The following GIMAP8 variants were observed in gnomAD, a reference collection of about 807,000 sequenced individuals.
GIMAP8 encodes the protein GTPase, IMAP family member 8.
GIMAP8 carries 29 observed loss-of-function variants against 35.6 expected under a neutral mutation model. The ratio of observed to expected loss-of-function variants is 0.81; its 90% CI spans 0.61 to 1.11. GIMAP8 has a LOEUF of 1.11. Ranked by LOEUF, GIMAP8 falls within the 50% of genes most tolerant of loss-of-function variation. GIMAP8 has a pLI of 0.00. For missense variants in GIMAP8, 811 were observed against 805.0 expected, an observed-to-expected ratio of 1.01 and a Z score of -0.09; for synonymous variants, 335 against 308.7, an observed-to-expected ratio of 1.09 and a Z score of -0.89.
intron 3 of GIMAP8, among the ~76,000 whole-genome samples, chr7:150,471,152 A>G (rs1259261951): frequency 6.6e-6 from 1 of 151,932 alleles, no homozygotes; most frequent in Non-Finnish European, 1.5e-5. Flanking sequence ...CCTAACTCAG[A>G]CTCTTCTTTC....
chr7:150,459,032 TG>T (rs1801788237), intron 1 of GIMAP8, among the ~76,000 whole-genome samples: 1 of 152,242 alleles, frequency 6.6e-6, no homozygotes, highest in Admixed American at 6.5e-5. Context: ...TGAGCTCAGC[TG>T]GTTGTGGTTC....
intron 2 of GIMAP8, among the ~76,000 whole-genome samples, chr7:150,469,042 G>A (rs1802033883): frequency 6.6e-6 from 1 of 151,214 alleles, no homozygotes; most frequent in Non-Finnish European, 1.5e-5. Context: ...GAAACCCTCT[G>A]GTTTTACATG....
rs1005218758 is a variant in GIMAP8, at chr7:150,479,243, C to T, written c.*1463C>T. 7 of 152,120 alleles carry T rather than the reference C, an allele frequency of 4.6e-5. No homozygotes were observed. The highest frequency in any genetic ancestry group is 8.8e-5 in the Non-Finnish European group (6 of 68,046). The allele number at this position is 152,120 out of a possible 1,614,324, so 9.4% of individuals were successfully genotyped here. ...CTGGTTTCCTGGGTGACAAAATTACCTGTACACCACACCCCTGTGACACAC... is the reference window on the plus strand; with the variant it reads ...CTGGTTTCCTGGGTGACAAAATTACTTGTACACCACACCCCTGTGACACAC... On this transcript the variant is annotated 3_prime_UTR_variant, in exon 5 of 5. Transcript: ENST00000307271.
Position 150,466,851 on chromosome 7 carries a change from A to G in GIMAP8, c.153A>G (p.Arg51=), listed in dbSNP as rs771741644. Residue 51 remains arginine, a synonymous_variant, in exon 2 of 5, where the codon AGA becomes AGG. Coordinates refer to ENST00000307271, the MANE Select transcript of GIMAP8 (RefSeq NM_175571.4). ...SDQTVIKMCQ[R]ESWVLRERKV... is the part of the protein sequence containing the mutation. The stretch of plus-strand genomic sequence containing the variant: ...AGACAGTGATCAAAATGTGCCAGAG[A>G]GAGAGTTGGGTCCTGAGAGAAAGGA... 17 of 1,614,124 alleles carry G rather than the reference A, an allele frequency of 1.1e-5. No individual in the cohort carries two copies. In the African/African-American group the frequency reaches 2.0e-4, roughly 19 times the overall value.
intron 1 of GIMAP8, 120 bp from the exon 2 acceptor site, chr7:150,466,551 T>G: frequency 2.5e-6 from 2 of 809,382 alleles, no homozygotes; most frequent in Non-Finnish European, 3.8e-6. Flanking sequence ...GGTCTAGAAC[T>G]TCAGTAGCTC....
In GIMAP8 at chr7:150,478,475, T is replaced by C. The variant is rs1802293495; in HGVS notation, c.*695T>C. ...TTTATTGCTAATTATCACAGTGACA[T>C]AGACTAGAACAGAAATTAGAAGCAT... On this transcript the variant is annotated 3_prime_UTR_variant, in exon 5 of 5. Transcript: ENST00000307271. 1.3e-5 allele frequency: 2 copies of C among 152,354 alleles called. No homozygotes were observed. Among genetic ancestry groups the C allele is most frequent in the South Asian group, 4.1e-4 (2 of 4,830 alleles). 9.4% of individuals were successfully genotyped at this position (152,354 alleles called of 1,614,324 possible).
Position 150,467,102 on chromosome 7 carries a change from G to A in GIMAP8, c.404G>A (p.Arg135Gln), listed in dbSNP as rs761170315. 51 of 1,614,018 alleles carry A rather than the reference G, an allele frequency of 3.2e-5. No individual in the cohort carries two copies. The highest frequency in any genetic ancestry group is 3.6e-5 in the Non-Finnish European group (43 of 1,180,024). The change falls in exon 2 of 5, where the codon CGG becomes CAG. Residue 135 changes from arginine (R) to glutamine (Q), a missense_variant. By Grantham distance (43) the Arg-to-Gln change is conservative (BLOSUM62 1). Transcript: ENST00000307271. ...ARRHIIIVFT[R>Q]KDDLGDDLLQ... ...AGGCACATCATTATTGTCTTCACTC[G>A]GAAGGATGATTTGGGGGATGACTTG...
In GIMAP8 at chr7:150,478,072, T is replaced by C; in HGVS notation, c.*292T>C. ...GTAGAATCAAGTCACAAGAATCACC[T>C]CACTTGTGTAGGTAGGTTGGAATCA... On this transcript the variant is annotated 3_prime_UTR_variant, in exon 5 of 5. Coordinates refer to ENST00000307271, the MANE Select transcript of GIMAP8 (RefSeq NM_175571.4). 2.3e-6 allele frequency: 1 copy of C among 429,222 alleles called. No individual in the cohort carries two copies. Among genetic ancestry groups the C allele is most frequent in the Non-Finnish European group, 4.2e-6 (1 of 239,272 alleles). 26.6% of individuals were successfully genotyped at this position (429,222 alleles called of 1,614,324 possible).
chr7:150,474,537 C>T lies in GIMAP8; in HGVS notation c.1208C>T (p.Ala403Val), dbSNP rs1802178446. 1 of 1,577,460 alleles carries T rather than the reference C, an allele frequency of 6.3e-7. No homozygotes were observed. The highest frequency in any genetic ancestry group is 2.2e-5 in the East Asian group (1 of 44,882). ...AGATATAGTGCCTTCAACTACCGGG[C>T]AACAGGAGAAGAAGAGCAAAGGCAG... ...KNRYSAFNYRATGEEEQRQAD... is the reference protein window; with the variant it reads ...KNRYSAFNYRVTGEEEQRQAD... The change falls in exon 4 of 5, where the codon GCA becomes GTA. Residue 403 changes from alanine to valine, a missense_variant. Transcript: ENST00000307271.
chr7:150,474,405 T>G lies in GIMAP8; in HGVS notation c.1076T>G (p.Met359Arg), dbSNP rs1233777191. ...TTTGGAGAAAAATTCTTTGAGTACA[T>G]GATCATACTTCTTACCAGGAAAGAA... ...NNFGEKFFEYMIILLTRKEDL... is the reference protein window; with the variant it reads ...NNFGEKFFEYRIILLTRKEDL... Residue 359 changes from methionine (M) to arginine (R), a missense_variant, in exon 4 of 5, where the codon ATG (methionine) becomes AGG (arginine). Met to Arg is a moderately conservative substitution (Grantham distance 91). Transcript: ENST00000307271. The G allele has an allele frequency of 1.2e-6, 2 of 1,614,138 alleles. No individual in the cohort carries two copies. The highest frequency in any genetic ancestry group is 3.3e-5 in the Admixed American group (2 of 60,030).
rs377411998 is a variant in GIMAP8, at chr7:150,477,415, G to A, written c.1633G>A (p.Val545Met). 6.2e-7 allele frequency: 1 copy of A among 1,613,894 alleles called. No individual in the cohort carries two copies. Among genetic ancestry groups the A allele is most frequent in the Non-Finnish European group, 8.5e-7 (1 of 1,179,844 alleles). ...ATTCACTGAAGAGGACAAAACAGCTGTGGCGAAACTGGAGGCCATCTTTGG... is the reference window on the plus strand; with the variant it reads ...ATTCACTGAAGAGGACAAAACAGCTATGGCGAAACTGGAGGCCATCTTTGG... Reference protein sequence around the residue: ...GRFTEEDKTAVAKLEAIFGAD... With the variant: ...GRFTEEDKTAMAKLEAIFGAD... Residue 545 changes from valine to methionine, a missense_variant, in exon 5 of 5, where the codon GTG (valine) becomes ATG (methionine). Val to Met is a conservative substitution (Grantham distance 21). Coordinates refer to ENST00000307271, the MANE Select transcript of GIMAP8 (RefSeq NM_175571.4).
intron 4 of GIMAP8, among the ~76,000 whole-genome samples, chr7:150,475,580 C>T (rs1802210635): frequency 6.6e-6 from 1 of 152,212 alleles, no homozygotes; most frequent in African/African-American, 2.4e-5. Flanking sequence ...GCTCCTCATC[C>T]ACTTAGTGCT....
At chr7:150,460,706 A>C (rs1801825485) in intron 1 of GIMAP8, among the ~76,000 whole-genome samples, 1 of 152,212 alleles carries the variant, frequency 6.6e-6, no homozygotes. Context: ...TGAGGTCATG[A>C]GTGCAGATTG....
At chr7:150,476,631 T>C (rs891678228) in intron 4 of GIMAP8, among the ~76,000 whole-genome samples, 2 of 152,244 alleles carry the variant, frequency 1.3e-5, no homozygotes, top group Admixed American at 6.5e-5. Flanking sequence ...CTTTAAATAC[T>C]GTAAGGAGAT....
At chr7:150,452,392 T>A in intron 1 of GIMAP8, among the ~76,000 whole-genome samples, 1 of 151,694 alleles carries the variant, frequency 6.6e-6, no homozygotes, top group Non-Finnish European at 1.5e-5. Context: ...CTCATTGGTT[T>A]GGTCATACTC....
At position 150,466,825 on chromosome 7, in the gene GIMAP8, C is replaced by A; in HGVS notation, c.127C>A (p.Gln43Lys). The A allele has an allele frequency of 1.6e-5, 26 of 1,614,220 alleles. No homozygotes were observed. Among genetic ancestry groups the A allele is most frequent in the Non-Finnish European group, 1.9e-5 (23 of 1,180,046 alleles). Residue 43 changes from glutamine to lysine, a missense_variant, in exon 2 of 5, where the codon CAG (glutamine) becomes AAG (lysine). Gln to Lys is a moderately conservative substitution (Grantham distance 53). Transcript: ENST00000307271. ...TGTGTTCAAGTCCAAGTTCAGTGATCAGACAGTGATCAAAATGTGCCAGAG... is the reference window on the plus strand; with the variant it reads ...TGTGTTCAAGTCCAAGTTCAGTGATAAGACAGTGATCAAAATGTGCCAGAG... ...KHVFKSKFSD[Q>K]TVIKMCQRES...
Position 150,473,922 on chromosome 7 carries a change from C to T in GIMAP8, c.683-90C>T, listed in dbSNP as rs1802158899. The T allele has an allele frequency of 3.0e-6, 4 of 1,352,154 alleles. No individual in the cohort carries two copies. In the East Asian group the frequency reaches 6.9e-5, roughly 23 times the overall value. The allele number at this position is 1,352,154 out of a possible 1,614,324, so 83.8% of individuals were successfully genotyped here. On this transcript the variant is annotated intron_variant, in intron 3 of 4. Coordinates refer to ENST00000307271, the MANE Select transcript of GIMAP8 (RefSeq NM_175571.4). ...TACCGTGTTGTTGCCATTCTCTATA[C>T]AAGTTTGCAGGGATGAGAAATCATA...
intron 2 of GIMAP8, among the ~76,000 whole-genome samples, chr7:150,468,959 T>A (rs1802032559): frequency 6.6e-6 from 1 of 152,310 alleles, no homozygotes; most frequent in African/African-American, 2.4e-5. Flanking sequence ...ACAATCTGTC[T>A]CTTCCTTGAG....
intron 1 of GIMAP8, among the ~76,000 whole-genome samples, chr7:150,459,833 G>T (rs1801808604): frequency 1.3e-5 from 2 of 152,180 alleles, no homozygotes; most frequent in African/African-American, 2.4e-5. Context: ...AATAGGTAAG[G>T]CATTATGTAA....
Sources: gnomAD v4.1 joint callset for allele counts (sites outside exome capture counted in the v4.1 genomes callset) on GRCh38, gnomAD v4.1.1 for gene constraint, MANE v1.5 for transcripts, NCBI Gene and HGNC (gene_info 2026-07-23, HGNC 2026-07-21) for gene names.